Variants in SLC12A1 observed in about 807,000 individuals in gnomAD.
The protein encoded by SLC12A1 is solute carrier family 12 member 1.
A neutral mutation model predicts 130.4 loss-of-function variants in SLC12A1; 89 were observed. That is an observed-to-expected ratio of 0.68 (90% confidence interval 0.58 to 0.81). The LOEUF is 0.81. Ranked by LOEUF, SLC12A1 falls within the 40% of genes least tolerant of loss-of-function variation. The pLI, the probability that SLC12A1 is intolerant of heterozygous loss-of-function variation, is 0.00. For synonymous variants in SLC12A1, 499 were observed against 460.0 expected, an observed-to-expected ratio of 1.08 and a Z score of -1.09; for missense variants, 1,310 against 1,336.4, an observed-to-expected ratio of 0.98 and a Z score of 0.31.
intron 2 of SLC12A1, among the ~76,000 whole-genome samples, chr15:48,220,249 T>G (rs1379844219): frequency 6.6e-6 from 1 of 152,082 alleles, no homozygotes; most frequent in African/African-American, 2.4e-5. Context: ...AGGAAGTTTC[T>G]CTTTTTGGTC....
chr15:48,246,617 C>T (rs1007027466), intron 11 of SLC12A1, among the ~76,000 whole-genome samples: 4 of 152,210 alleles, frequency 2.6e-5, no homozygotes, highest in Admixed American at 2.0e-4. Flanking sequence ...CCCGTCTCTA[C>T]TAGAAATACA....
At chr15:48,292,364 G>A (rs2042130868) in intron 24 of SLC12A1, among the ~76,000 whole-genome samples, 1 of 152,036 alleles carries the variant, frequency 6.6e-6, no homozygotes, top group Non-Finnish European at 1.5e-5. Context: ...ATGAATTTTG[G>A]GGGGACGTCT....
At chr15:48,293,857 C>A (rs977062906) in intron 24 of SLC12A1, among the ~76,000 whole-genome samples, 2 of 151,690 alleles carry the variant, frequency 1.3e-5, no homozygotes, top group African/African-American at 4.8e-5. Context: ...GCAGCCTAGG[C>A]AACATAGCAA....
intron 20 of SLC12A1, among the ~76,000 whole-genome samples, chr15:48,276,946 A>C (rs916911397): frequency 6.6e-6 from 1 of 152,222 alleles, no homozygotes; most frequent in African/African-American, 2.4e-5. Context: ...TCATGAATCA[A>C]ATGGAATTGG....
intron 20 of SLC12A1, among the ~76,000 whole-genome samples, chr15:48,279,720 G>A (rs1396350697): frequency 1.3e-5 from 2 of 152,210 alleles, no homozygotes; most frequent in Non-Finnish European, 2.9e-5. Context: ...AAGAAATAAA[G>A]TGATGGAACA....
At chr15:48,280,167 TA>T (rs113028863) in intron 20 of SLC12A1, among the ~76,000 whole-genome samples, 8,235 of 125,534 alleles carry the variant, frequency 0.066, 389 homozygotes, top group African/African-American at 0.15. Context: ...AAAGATATCT[TA>T]AAAAAAAAAA....
chr15:48,236,307 T>A (rs1455582041), intron 9 of SLC12A1, among the ~76,000 whole-genome samples: 2 of 152,220 alleles, frequency 1.3e-5, no homozygotes, highest in Non-Finnish European at 2.9e-5. Context: ...CAGGGATGAT[T>A]TTCTCAAGGA....
chr15:48,224,988 A>G (rs2041265790), intron 4 of SLC12A1: 1 of 152,146 alleles, frequency 6.6e-6, no homozygotes, highest in African/African-American at 2.4e-5. Context: ...TGTGTTTCTT[A>G]CATTACCTGC....
intron 24 of SLC12A1, among the ~76,000 whole-genome samples, chr15:48,293,595 C>T (rs1399342524): frequency 6.6e-6 from 1 of 152,108 alleles, no homozygotes; most frequent in Non-Finnish European, 1.5e-5. Flanking sequence ...TCTTTCCTTC[C>T]TTTGATTTAT....
At chr15:48,250,820 G>A (rs1009623400) in intron 14 of SLC12A1, among the ~76,000 whole-genome samples, 7 of 152,066 alleles carry the variant, frequency 4.6e-5, no homozygotes, top group Non-Finnish European at 1.0e-4. Flanking sequence ...TAAAAGTTCT[G>A]CTGTGTTTTG....
rs201827965 is a variant in SLC12A1 at position 48,234,921 on chromosome 15, G to T, written c.1132G>T (p.Glu378Ter). The change falls in exon 9 of 27, where the codon GAA (glutamate) becomes TAA (stop). Residue 378 changes from glutamate to a stop codon, truncating the protein, a stop_gained. Transcript: ENST00000380993. LOFTEE classifies it high-confidence loss of function. ...CTTTGGGCCACGCTTCACAAAGGGT[G>T]AAGGCTTCTTCTCTGTCTTTGCCAT... ...ENFGPRFTKGEGFFSVFAIFF... is the reference protein window; with the variant it reads ...ENFGPRFTKG 6.2e-7 allele frequency: 1 copy of T among 1,613,740 alleles called. No homozygotes were observed. Among genetic ancestry groups the T allele is most frequent in the African/African-American group, 1.3e-5 (1 of 74,902 alleles).
Position 48,299,287 on chromosome 15 carries a change from T to C in SLC12A1, c.3096+12T>C. 6.4e-7 allele frequency: 1 copy of C among 1,564,858 alleles called. No homozygotes were observed. The highest frequency in any genetic ancestry group is 8.6e-7 in the Non-Finnish European group (1 of 1,162,764). On this transcript the variant is annotated intron_variant, in intron 25 of 26. Transcript: ENST00000380993. ...CAGTCAAGGAAAAGGTAAGGATTTG[T>C]CTTTCTTAATTTTTTTGCTGTCTAA...
At chr15:48,240,484 T>C (rs1179793244) in intron 9 of SLC12A1, among the ~76,000 whole-genome samples, 1 of 152,222 alleles carries the variant, frequency 6.6e-6, no homozygotes, top group African/African-American at 2.4e-5. Context: ...GCAGGTTTGC[T>C]TGATTCAGTT....
intron 25 of SLC12A1, among the ~76,000 whole-genome samples, chr15:48,299,773 T>G (rs1162226590): frequency 1.3e-5 from 2 of 152,184 alleles, no homozygotes; most frequent in Admixed American, 1.3e-4. Flanking sequence ...GGATGTAAAA[T>G]GGTGAGCCTT....
In SLC12A1 at chr15:48,286,843, T is replaced by C. The variant is rs7175341; in HGVS notation, c.2630-1200T>C. Among the ~76,000 whole-genome samples the C allele has an allele frequency of 4.9e-3, 742 of 152,326 alleles. 8 individuals carry two copies. The highest frequency in any genetic ancestry group is 0.044 in the Middle Eastern group (13 of 294). ...GTTCTAGACGAGAACCAATCCTGCC[T>C]CCAGGTACCTGAGTGTGAACAGGAG... On this transcript the variant is annotated intron_variant, in intron 21 of 26. Transcript: ENST00000380993.
In SLC12A1 at chr15:48,207,616, G is replaced by A. The variant is rs1008636957; in HGVS notation, c.-104G>A. Reference sequence around the variant, plus strand: ...GAATCATCTAGAACAAAAGCCAGGAGCTCCCTAATGGAAGCACATTAGTGT... The same window carrying A: ...GAATCATCTAGAACAAAAGCCAGGAACTCCCTAATGGAAGCACATTAGTGT... On this transcript the variant is annotated 5_prime_UTR_variant, in exon 2 of 27. Coordinates refer to ENST00000380993, the MANE Select transcript of SLC12A1 (RefSeq NM_000338.3). 1.0e-5 allele frequency: 9 copies of A among 872,554 alleles called. No individual in the cohort carries two copies. The Admixed American group carries it at 1.3e-4, about 13-fold the overall frequency. 54.1% of individuals were successfully genotyped at this position (872,554 alleles called of 1,614,324 possible).
chr15:48,272,429 T>A (rs943340087), intron 19 of SLC12A1, among the ~76,000 whole-genome samples: 13 of 152,070 alleles, frequency 8.5e-5, no homozygotes, highest in African/African-American at 2.9e-4. Flanking sequence ...TTTGTTTGTT[T>A]GTTTGTTTGT....
intron 20 of SLC12A1, among the ~76,000 whole-genome samples, chr15:48,283,112 T>C (rs1237217718): frequency 6.6e-6 from 1 of 152,184 alleles, no homozygotes; most frequent in African/African-American, 2.4e-5. Flanking sequence ...AAATACTCAA[T>C]TTGTTTTGCA....
chr15:48,220,415 C>A (rs568519663), intron 2 of SLC12A1, among the ~76,000 whole-genome samples: 212 of 152,264 alleles, frequency 1.4e-3, no homozygotes, highest in African/African-American at 5.0e-3. Context: ...GTTCCCTTCA[C>A]CCAGCCCTAA....
Sources: allele counts gnomAD v4.1 joint callset (sites outside exome capture counted in the v4.1 genomes callset), GRCh38; gene constraint gnomAD v4.1.1; transcripts MANE v1.5; gene names NCBI Gene and HGNC (gene_info 2026-07-23, HGNC 2026-07-21).